Variants in DNAL1 observed in about 807,000 individuals in gnomAD.
The protein encoded by DNAL1 is chromosome 14 open reading frame 168.
A neutral mutation model predicts 29.4 loss-of-function variants in DNAL1; 17 were observed. The ratio of observed to expected loss-of-function variants is 0.58; its 90% CI spans 0.40 to 0.87. The LOEUF (loss-of-function observed/expected upper bound fraction) is 0.87, where lower values mean the gene tolerates loss of function less well. Among genes scored for constraint, DNAL1 ranks in the 40% least tolerant of loss-of-function variants. The pLI is 0.00. For synonymous variants in DNAL1, 78 were observed against 76.3 expected (o/e 1.02, Z -0.12); for missense variants, 188 against 214.1 (o/e 0.88, Z 0.76).
At chr14:73,676,963 ATTT>A (rs56879277) in intron 5 of DNAL1, among the ~76,000 whole-genome samples, 9 of 126,636 alleles carry the variant, frequency 7.1e-5, no homozygotes, top group Non-Finnish European at 3.2e-5. Flanking sequence ...AGTAGTATTC[ATTT>A]TTTTTTTTTT....
At chr14:73,648,186 C>G (rs191027164) in intron 1 of DNAL1, among the ~76,000 whole-genome samples, 38 of 151,662 alleles carry the variant, frequency 2.5e-4, no homozygotes, top group Middle Eastern at 3.4e-3. Context: ...CTATGTTGGC[C>G]AGGCTGGTCT....
rs537192999 is a variant in DNAL1 at position 73,691,659 on chromosome 14, C to T, written c.532+2144C>T. 1.0e-3 allele frequency among the ~76,000 whole-genome samples: 152 copies of T among 152,234 alleles called. 1 individual carries two copies. Among genetic ancestry groups the T allele is most frequent in the African/African-American group, 3.4e-3 (141 of 41,558 alleles). On this transcript the variant is annotated intron_variant, in intron 7 of 7. Coordinates refer to ENST00000553645, the MANE Select transcript of DNAL1 (RefSeq NM_031427.4). The stretch of plus-strand genomic sequence containing the variant: ...GACCTCATTTTGACTTTGAACACTA[C>T]CTCCCCAATTCAATTCAGCTGGGCT...
rs189599115 is a variant in DNAL1 at position 73,688,441 on chromosome 14, T to A, written c.392-934T>A. The stretch of plus-strand genomic sequence containing the variant: ...CCTGGCCAACATAGCAAAACCCAAA[T>A]TTTTTTTTGTAAAAATACAAAAATA... On this transcript the variant is annotated intron_variant, in intron 6 of 7. Coordinates refer to ENST00000553645, the MANE Select transcript of DNAL1 (RefSeq NM_031427.4). Among the ~76,000 whole-genome samples, 1,223 of 151,660 alleles carry A rather than the reference T, an allele frequency of 8.1e-3. 23 individuals carry two copies. Among genetic ancestry groups the A allele is most frequent in the African/African-American group, 0.028 (1,159 of 41,380 alleles).
chr14:73,655,099 A>C (rs1891187052), intron 2 of DNAL1, among the ~76,000 whole-genome samples: 1 of 152,132 alleles, frequency 6.6e-6, no homozygotes, highest in Non-Finnish European at 1.5e-5. Flanking sequence ...ACATGAGCAC[A>C]AGCAAACTTG....
chr14:73,680,869 C>T (rs1329209512), intron 5 of DNAL1, among the ~76,000 whole-genome samples: 1 of 152,166 alleles, frequency 6.6e-6, no homozygotes, highest in Admixed American at 6.5e-5. Context: ...TATCACTGTA[C>T]TGAGTGCTGC....
At chr14:73,694,692 CT>C (rs3041354) in intron 7 of DNAL1, among the ~76,000 whole-genome samples, 2,325 of 142,910 alleles carry the variant, frequency 0.016, 41 homozygotes, top group African/African-American at 0.049. Context: ...ACATAGAAAA[CT>C]TTTTTTTTTT....
chr14:73,676,192 C>T (rs1891728034), intron 5 of DNAL1, among the ~76,000 whole-genome samples: 1 of 151,366 alleles, frequency 6.6e-6, no homozygotes, highest in Admixed American at 6.6e-5. Context: ...CGAGATCACG[C>T]CACTGCACTC....
intron 5 of DNAL1, among the ~76,000 whole-genome samples, chr14:73,676,200 C>T (rs529589203): frequency 5.8e-4 from 87 of 151,268 alleles, no homozygotes; most frequent in African/African-American, 2.0e-3. Flanking sequence ...CGCCACTGCA[C>T]TCCAGCCTGG....
intron 4 of DNAL1, among the ~76,000 whole-genome samples, chr14:73,669,241 C>T (rs1381291342): frequency 6.6e-6 from 1 of 151,898 alleles, no homozygotes; most frequent in Non-Finnish European, 1.5e-5. Context: ...CCTCAGCCTC[C>T]CTGAGTAGCT....
intron 5 of DNAL1, among the ~76,000 whole-genome samples, chr14:73,677,441 G>T (rs1388840609): frequency 6.6e-6 from 1 of 151,724 alleles, no homozygotes; most frequent in Non-Finnish European, 1.5e-5. Flanking sequence ...GAGTAGCTGG[G>T]ACTACAGGCC....
At chr14:73,660,282 G>T (rs1392200383) in intron 3 of DNAL1, among the ~76,000 whole-genome samples, 4 of 152,106 alleles carry the variant, frequency 2.6e-5, no homozygotes, top group Non-Finnish European at 5.9e-5. Context: ...ATCTATAGTA[G>T]TTTCTTTTAA....
At chr14:73,669,927 CAAATT>C (rs979036380) in intron 4 of DNAL1, among the ~76,000 whole-genome samples, 3 of 152,082 alleles carry the variant, frequency 2.0e-5, no homozygotes, top group African/African-American at 4.8e-5. Context: ...TCTTGTAAGA[CAAATT>C]AATTTATTAA....
chr14:73,672,481 G>A (rs558964894), intron 5 of DNAL1, among the ~76,000 whole-genome samples: 65 of 151,392 alleles, frequency 4.3e-4, no homozygotes, highest in African/African-American at 1.5e-3. Context: ...GGTGGCGGGC[G>A]CCTGTAGTCC....
chr14:73,655,898 GTATTA>G (rs1475394384), intron 2 of DNAL1, among the ~76,000 whole-genome samples: 1 of 152,084 alleles, frequency 6.6e-6, no homozygotes, highest in Non-Finnish European at 1.5e-5. Flanking sequence ...TATATTTTCA[GTATTA>G]TATAACATTC....
At chr14:73,661,924 G>C (rs947884238) in intron 3 of DNAL1, 63 bp from the exon 4 acceptor site, 53 of 1,113,392 alleles carry the variant, frequency 4.8e-5, no homozygotes, top group Middle Eastern at 5.0e-4. Flanking sequence ...CTAGTGTTAA[G>C]GAATAATTTC....
intron 4 of DNAL1, among the ~76,000 whole-genome samples, chr14:73,662,596 C>G (rs1275815864): frequency 6.6e-6 from 1 of 152,126 alleles, no homozygotes; most frequent in Non-Finnish European, 1.5e-5. Context: ...GAATCTTTTT[C>G]TAGCCTCTTC....
At chr14:73,684,795 G>A (rs1891974452) in intron 5 of DNAL1, among the ~76,000 whole-genome samples, 1 of 152,130 alleles carries the variant, frequency 6.6e-6, no homozygotes, top group South Asian at 2.1e-4. Flanking sequence ...TACTCAGGGG[G>A]CTGAGGCAGG....
In DNAL1 at chr14:73,659,405, G is replaced by A. The variant is rs143912642; in HGVS notation, c.152+449G>A. Among the ~76,000 whole-genome samples, 1,222 of 151,528 alleles carry A rather than the reference G, an allele frequency of 8.1e-3. 23 individuals are homozygous for A. The highest frequency in any genetic ancestry group is 0.028 in the African/African-American group (1,157 of 41,270). On this transcript the variant is annotated intron_variant, in intron 3 of 7. Coordinates refer to ENST00000553645, the MANE Select transcript of DNAL1 (RefSeq NM_031427.4). ...TCTTGATCTCCTGACATTGTGATCC[G>A]CCCACCTCGGCCTCCCAAAGTGCTG... is the stretch of plus-strand genomic sequence containing the variant.
chr14:73,667,683 A>G (rs1891520090), intron 4 of DNAL1, among the ~76,000 whole-genome samples: 1 of 151,910 alleles, frequency 6.6e-6, no homozygotes, highest in South Asian at 2.1e-4. Flanking sequence ...TGGTATTTTT[A>G]TAGAGTTGGG....
Sources: allele counts gnomAD v4.1 joint callset (sites outside exome capture counted in the v4.1 genomes callset), GRCh38; gene constraint gnomAD v4.1.1; transcripts MANE v1.5; gene names NCBI Gene and HGNC (gene_info 2026-07-23, HGNC 2026-07-21).